Variants in DPP6 observed in about 807,000 individuals in gnomAD.
The protein encoded by DPP6 is dipeptidyl peptidase like 6.
In DPP6, 69 loss-of-function variants were observed where a neutral mutation model predicts 122.6. The ratio of observed to expected loss-of-function variants is 0.56; its 90% CI spans 0.46 to 0.69. The LOEUF (loss-of-function observed/expected upper bound fraction) is 0.69. DPP6 is among the 30% of genes least tolerant of loss of function. The pLI is 0.00. For synonymous variants in DPP6, 418 were observed against 433.1 expected, an observed-to-expected ratio of 0.97 and a Z score of 0.43; for missense variants, 928 against 1,116.9, an observed-to-expected ratio of 0.83 and a Z score of 2.41.
chr7:153,859,368 C>T, the DPP6 span, among the ~76,000 whole-genome samples: 2 of 152,168 alleles, frequency 1.3e-5, no homozygotes, highest in African/African-American at 4.8e-5. Context: ...GGCTGGCATA[C>T]AAAGAGGACA....
rs35188883 is a variant in DPP6 at position 154,813,877 on chromosome 7, C to CTTTT, written c.1666+6782_1666+6785dup. 5.2e-3 allele frequency among the ~76,000 whole-genome samples: 491 copies of CTTTT among 94,362 alleles called. 1 individual carries two copies. Among genetic ancestry groups the CTTTT allele is most frequent in the Middle Eastern group, 0.01 (1 of 100 alleles). 61.9% of individuals were successfully genotyped at this position (94,362 alleles called of 152,430 possible). On this transcript the variant is annotated intron_variant, in intron 16 of 25. Transcript: ENST00000377770. The stretch of plus-strand genomic sequence containing the variant: ...TCTTTACAATTTGAAAAGCACATTT[C>CTTTT]TTTTTTTTTTTTTTTTTTTTGAGAT...
Position 154,892,566 on chromosome 7 carries a change from G to C in DPP6, c.*86G>C. On this transcript the variant is annotated 3_prime_UTR_variant, in exon 26 of 26. Transcript: ENST00000377770. ...TCCCTGCCCTCCCTCTTCCCTCGGA[G>C]GGGCGGGGCGGGGCGGGGCCGGGTG... 6.4e-7 allele frequency: 1 copy of C among 1,550,666 alleles called. No homozygotes were observed. Among genetic ancestry groups the C allele is most frequent in the Non-Finnish European group, 8.7e-7 (1 of 1,144,444 alleles).
chr7:154,751,136 T>A (rs1843360142), intron 8 of DPP6, among the ~76,000 whole-genome samples: 1 of 152,164 alleles, frequency 6.6e-6, no homozygotes, highest in African/African-American at 2.4e-5. Context: ...ACCTGTTTAC[T>A]AGGGGGCTGG....
chr7:154,553,686 C>G (rs1281485375), intron 4 of DPP6, among the ~76,000 whole-genome samples: 1 of 152,130 alleles, frequency 6.6e-6, no homozygotes, highest in Non-Finnish European at 1.5e-5. Context: ...TATTTCTAGA[C>G]TGCATACATA....
chr7:154,060,106 CT>C (rs1563148487), intron 1 of DPP6, among the ~76,000 whole-genome samples: 1 of 150,124 alleles, frequency 6.7e-6, no homozygotes, highest in Non-Finnish European at 1.5e-5. Context: ...GGAGGCAATC[CT>C]CCCGAGGCGG....
intron 1 of DPP6, among the ~76,000 whole-genome samples, chr7:153,986,331 A>C (rs1042902249): frequency 6.6e-6 from 1 of 151,710 alleles, no homozygotes; most frequent in Non-Finnish European, 1.5e-5. Context: ...CTATCTTTCT[A>C]TTTTTTTTAT....
intron 1 of DPP6, among the ~76,000 whole-genome samples, chr7:153,944,453 A>G (rs1425529059): frequency 3.9e-5 from 6 of 152,066 alleles, no homozygotes; most frequent in Non-Finnish European, 8.8e-5. Flanking sequence ...CAGCGAGAAG[A>G]GCGTGTTGGG....
intron 10 of DPP6, among the ~76,000 whole-genome samples, chr7:154,782,499 A>C (rs1797089358): frequency 6.6e-6 from 1 of 152,098 alleles, no homozygotes; most frequent in African/African-American, 2.4e-5. Context: ...CTTTATTCTG[A>C]AGCACTTTAC....
chr7:153,940,829 G>A (rs1363003986), intron 1 of DPP6, among the ~76,000 whole-genome samples: 1 of 152,126 alleles, frequency 6.6e-6, no homozygotes, highest in Non-Finnish European at 1.5e-5. Context: ...GAATAAAAGC[G>A]GTGTGTTCGC....
At position 154,481,373 on chromosome 7, in the gene DPP6, GTC is replaced by G. The variant is rs1823278831; in HGVS notation, c.457+6338_457+6339del. On this transcript the variant is annotated intron_variant, in intron 3 of 25. Coordinates refer to ENST00000377770, the MANE Select transcript of DPP6 (RefSeq NM_130797.4). The surrounding 1 kb of genome is among the most constrained non-coding windows in gnomAD (Gnocchi z 4.2). ...TGTGTGTGTGTGTGTGTGTGTGTGT[GTC>G]TGTGTGTGTGTGCATGTCAGTCACT... Among the ~76,000 whole-genome samples the G allele has an allele frequency of 6.6e-6, 1 of 151,548 alleles. No individual in the cohort carries two copies. The highest frequency in any genetic ancestry group is 2.4e-5 in the African/African-American group (1 of 41,206).
intron 5 of DPP6, among the ~76,000 whole-genome samples, chr7:154,626,192 T>A (rs1050621710): frequency 2.0e-5 from 3 of 152,068 alleles, no homozygotes; most frequent in Non-Finnish European, 4.4e-5. Flanking sequence ...TTCATTTGTT[T>A]CCCAGAAGAT....
chr7:153,757,822 T>C, the DPP6 span, among the ~76,000 whole-genome samples: 1 of 143,544 alleles, frequency 7.0e-6, no homozygotes, highest in African/African-American at 2.9e-5. Flanking sequence ...CCAGGCACGG[T>C]GTGGTGCATG....
At chr7:153,805,032 T>C in the DPP6 span, among the ~76,000 whole-genome samples, 1 of 152,204 alleles carries the variant, frequency 6.6e-6, no homozygotes, top group African/African-American at 2.4e-5. Context: ...TGAAGACATT[T>C]CAGGAATGCA....
chr7:153,926,992 T>C (rs1800930945), intron 1 of DPP6, among the ~76,000 whole-genome samples: 1 of 151,182 alleles, frequency 6.6e-6, no homozygotes. Flanking sequence ...TGATATTTAT[T>C]TTTTAAGTTA....
chr7:153,831,048 A>G, the DPP6 span, among the ~76,000 whole-genome samples: 2 of 152,208 alleles, frequency 1.3e-5, no homozygotes, highest in Admixed American at 6.5e-5. Flanking sequence ...CACTAAAAAC[A>G]ATTTGAGCAC....
chr7:154,069,538 T>C (rs1242671545), intron 1 of DPP6, among the ~76,000 whole-genome samples: 1 of 151,796 alleles, frequency 6.6e-6, no homozygotes, highest in Non-Finnish European at 1.5e-5. Context: ...TTAAGCACAG[T>C]ATTTTGTTTT....
At chr7:154,041,373 C>T (rs1799755852) in intron 1 of DPP6, among the ~76,000 whole-genome samples, 1 of 152,190 alleles carries the variant, frequency 6.6e-6, no homozygotes. Flanking sequence ...CTACAGGCGG[C>T]CATATGTGTT....
intron 16 of DPP6, among the ~76,000 whole-genome samples, chr7:154,841,805 A>T (rs1801571013): frequency 6.6e-6 from 1 of 151,884 alleles, no homozygotes; most frequent in African/African-American, 2.4e-5. Context: ...GGGAAATAGG[A>T]TCACTTTCAA....
intron 3 of DPP6, among the ~76,000 whole-genome samples, chr7:154,503,548 T>C (rs1825425640): frequency 6.6e-6 from 1 of 152,238 alleles, no homozygotes; most frequent in Admixed American, 6.5e-5. Flanking sequence ...ATACAACTTT[T>C]GCTTTAGAAT....
Sources: gnomAD v4.1 joint callset for allele counts (sites outside exome capture counted in the v4.1 genomes callset) on GRCh38, gnomAD v4.1.1 for gene constraint, Gnocchi (gnomAD v3.1) non-coding constraint, MANE v1.5 for transcripts, NCBI Gene and HGNC (gene_info 2026-07-23, HGNC 2026-07-21) for gene names.